Variants in SYT1 observed in about 807,000 individuals in gnomAD.
SYT1 encodes the protein synaptotagmin-1.
In SYT1, 8 loss-of-function variants were observed where a neutral mutation model predicts 44.8. The ratio of observed to expected loss-of-function variants is 0.18; its 90% confidence interval spans 0.10 to 0.32. The LOEUF is 0.32. SYT1 is among the 10% of genes least tolerant of loss of function. The probability of loss-of-function intolerance (pLI) is 1.00; values close to 1 mark genes in which losing one functional copy is unlikely to be tolerated. For synonymous variants in SYT1, 154 were observed against 188.8 expected (o/e 0.82, Z 1.51); for missense variants, 286 against 509.3 (o/e 0.56, Z 4.22).
At chr12:78,968,956 C>G (rs1717072852) in intron 1 of SYT1, among the ~76,000 whole-genome samples, 1 of 152,156 alleles carries the variant, frequency 6.6e-6, no homozygotes, top group Non-Finnish European at 1.5e-5. Context: ...TAAACAAATT[C>G]TATAATCATG....
At chr12:79,143,223 T>A (rs1015366108) in intron 3 of SYT1, among the ~76,000 whole-genome samples, 1 of 152,216 alleles carries the variant, frequency 6.6e-6, no homozygotes, top group Non-Finnish European at 1.5e-5. Context: ...TAAGCATCAT[T>A]TATACACACA....
At chr12:79,370,604 T>C (rs1883744139) in intron 9 of SYT1, among the ~76,000 whole-genome samples, 1 of 151,696 alleles carries the variant, frequency 6.6e-6, no homozygotes, top group African/African-American at 2.4e-5. Flanking sequence ...CTACTAAAAA[T>C]ACAAAAAATT....
intron 9 of SYT1, among the ~76,000 whole-genome samples, chr12:79,428,276 C>T (rs1235326720): frequency 1.3e-5 from 2 of 152,152 alleles, no homozygotes; most frequent in South Asian, 2.1e-4. Context: ...TTTAGAGGGC[C>T]CTATTCTGGT....
intron 10 of SYT1, among the ~76,000 whole-genome samples, chr12:79,447,419 T>A (rs1321009216): frequency 6.6e-6 from 1 of 152,184 alleles, no homozygotes; most frequent in Non-Finnish European, 1.5e-5. Flanking sequence ...CAAATGCATG[T>A]GAGAATGTAA....
intron 2 of SYT1, among the ~76,000 whole-genome samples, chr12:79,035,431 G>A (rs1873068406): frequency 6.6e-6 from 1 of 151,606 alleles, no homozygotes; most frequent in African/African-American, 2.4e-5. Context: ...TTTTTGGTTG[G>A]CTTCTCCTTT....
chr12:79,322,881 T>C (rs1881432265), intron 8 of SYT1, among the ~76,000 whole-genome samples: 3 of 152,300 alleles, frequency 2.0e-5, no homozygotes, highest in Admixed American at 6.5e-5. Flanking sequence ...AAGACCCTCC[T>C]GAAAGTGTTA....
At chr12:79,099,501 T>C (rs1878325911) in intron 3 of SYT1, among the ~76,000 whole-genome samples, 1 of 152,122 alleles carries the variant, frequency 6.6e-6, no homozygotes, top group South Asian at 2.1e-4. Context: ...GGTAGAACAG[T>C]GAACAATTAC....
chr12:78,876,461 G>GT lies in SYT1; in HGVS notation c.-217+11353dup, dbSNP rs1491347037. 2.0e-3 allele frequency among the ~76,000 whole-genome samples: 59 copies of GT among 30,166 alleles called. 1 individual carries two copies. Among genetic ancestry groups the GT allele is most frequent in the Admixed American group, 5.8e-3 (10 of 1,710 alleles). The allele number at this position is 30,166 out of a possible 152,430, so 19.8% of individuals were successfully genotyped here. On this transcript the variant is annotated intron_variant, in intron 1 of 10. Coordinates refer to ENST00000261205, the MANE Select transcript of SYT1 (RefSeq NM_005639.3). Reference sequence around the variant, plus strand: ...ATAATAACATGTTTTGAAAATGGAGGTGTTTTTTTTTTTTTTTTTTTTGCC... The same window carrying GT: ...ATAATAACATGTTTTGAAAATGGAGGTTGTTTTTTTTTTTTTTTTTTTTGCC...
At chr12:79,331,829 A>G (rs962341901) in intron 8 of SYT1, among the ~76,000 whole-genome samples, 1 of 151,244 alleles carries the variant, frequency 6.6e-6, no homozygotes, top group Non-Finnish European at 1.5e-5. Context: ...AAAAGCCACA[A>G]AAAAAAATAA....
chr12:79,027,505 ATATAAG>A (rs1386873305), intron 2 of SYT1, among the ~76,000 whole-genome samples: 11 of 151,318 alleles, frequency 7.3e-5, no homozygotes, highest in African/African-American at 1.5e-4. Context: ...TTTTTATTAT[ATATAAG>A]TATAACAAAT....
At position 79,096,552 on chromosome 12, in the gene SYT1, T is replaced by C. The variant is rs73353601; in HGVS notation, c.-18+49190T>C. 9.1e-3 allele frequency among the ~76,000 whole-genome samples: 1,385 copies of C among 152,118 alleles called. 28 individuals are homozygous for C. The highest frequency in any genetic ancestry group is 0.032 in the African/African-American group (1,317 of 41,534). The stretch of plus-strand genomic sequence containing the variant: ...CTGGGGCAGCTGAGGAATATTACAC[T>C]GCAGAGATGTTGTTTAGTTGAACCT... On this transcript the variant is annotated intron_variant, in intron 3 of 10. Coordinates refer to ENST00000261205, the MANE Select transcript of SYT1 (RefSeq NM_005639.3).
chr12:79,072,165 C>T (rs1291686360), intron 3 of SYT1, among the ~76,000 whole-genome samples: 10 of 151,768 alleles, frequency 6.6e-5, no homozygotes, highest in Admixed American at 6.6e-4. Flanking sequence ...CTTCTATGAA[C>T]AATAAAAAAG....
intron 2 of SYT1, among the ~76,000 whole-genome samples, chr12:79,010,504 G>T (rs549560340): frequency 1.3e-5 from 2 of 152,202 alleles, no homozygotes; most frequent in African/African-American, 4.8e-5. Flanking sequence ...ATATGAAAGT[G>T]GGGAGAGGAG....
chr12:79,275,565 G>A (rs1255817906), intron 4 of SYT1, among the ~76,000 whole-genome samples: 1 of 152,132 alleles, frequency 6.6e-6, no homozygotes, highest in Non-Finnish European at 1.5e-5. Flanking sequence ...GGCATGATAG[G>A]AAGGTAGGTC....
chr12:78,911,027 G>A (rs765721736), intron 1 of SYT1, among the ~76,000 whole-genome samples: 6 of 151,972 alleles, frequency 3.9e-5, no homozygotes, highest in Non-Finnish European at 7.4e-5. Flanking sequence ...TTGTTTAAGA[G>A]TAATGGAAGG....
At chr12:79,446,034 T>TATACATA (rs1491131045) in intron 10 of SYT1, among the ~76,000 whole-genome samples, 2 of 115,542 alleles carry the variant, frequency 1.7e-5, no homozygotes, top group African/African-American at 6.8e-5. Flanking sequence ...TATATATATA[T>TATACATA]TATGCCTAGG....
intron 3 of SYT1, among the ~76,000 whole-genome samples, chr12:79,129,042 G>C (rs1868629270): frequency 6.6e-6 from 1 of 152,102 alleles, no homozygotes; most frequent in Admixed American, 6.6e-5. Flanking sequence ...TTTTATGTTA[G>C]AGGAGCATGG....
chr12:79,337,603 G>C (rs1245773), intron 8 of SYT1, among the ~76,000 whole-genome samples: 127 of 152,224 alleles, frequency 8.3e-4, no homozygotes, highest in African/African-American at 2.8e-3. Context: ...CTGTCAGGAA[G>C]CCTGTGTATA....
intron 4 of SYT1, among the ~76,000 whole-genome samples, chr12:79,253,574 G>A (rs1184214684): frequency 6.7e-6 from 1 of 148,686 alleles, no homozygotes; most frequent in Non-Finnish European, 1.5e-5. Context: ...ATTGAAATTA[G>A]GCCAATTAAT....
Sources: allele counts gnomAD v4.1 joint callset (sites outside exome capture counted in the v4.1 genomes callset), GRCh38; gene constraint gnomAD v4.1.1; transcripts MANE v1.5; gene names NCBI Gene and HGNC (gene_info 2026-07-23, HGNC 2026-07-21).